Variants in ANGPT1 observed in about 807,000 individuals in gnomAD.
ANGPT1 encodes the protein angiopoietin-1.
Under a neutral mutation model 62.2 loss-of-function variants are expected in ANGPT1, and 17 were observed. The ratio of observed to expected loss-of-function variants is 0.27; its 90% CI spans 0.19 to 0.41. The LOEUF is 0.41. ANGPT1 is among the 10% of genes least tolerant of loss of function. The probability of loss-of-function intolerance (pLI) is 1.00; values close to 1 mark genes in which losing one functional copy is unlikely to be tolerated. For missense variants in ANGPT1, 478 were observed against 594.9 expected (o/e 0.80, Z 2.04); for synonymous variants, 199 against 198.9 (o/e 1.00, Z 0.00).
intron 1 of ANGPT1, among the ~76,000 whole-genome samples, chr8:107,491,160 AAG>A (rs1491028243): frequency 2.0e-5 from 3 of 149,694 alleles, no homozygotes; most frequent in African/African-American, 7.3e-5. Context: ...TTAAAAAAAA[AAG>A]AAGAAGAAAT....
intron 1 of ANGPT1, among the ~76,000 whole-genome samples, chr8:107,478,507 C>T (rs1029613801): frequency 3.9e-5 from 6 of 152,042 alleles, no homozygotes; most frequent in Admixed American, 1.3e-4. Flanking sequence ...TGAGATCGCA[C>T]GGCTGCACTC....
chr8:107,476,274 T>C (rs1242588923), intron 1 of ANGPT1, among the ~76,000 whole-genome samples: 2 of 152,178 alleles, frequency 1.3e-5, no homozygotes, highest in African/African-American at 4.8e-5. Context: ...GATGAGTTCA[T>C]GTCCTTTGTA....
intron 3 of ANGPT1, among the ~76,000 whole-genome samples, chr8:107,335,552 A>G (rs1419979219): frequency 6.6e-6 from 1 of 152,234 alleles, no homozygotes; most frequent in Non-Finnish European, 1.5e-5. Context: ...CATAATTTAT[A>G]AAACAAGATG....
chr8:107,469,416 A>G (rs1240140129), intron 1 of ANGPT1, among the ~76,000 whole-genome samples: 1 of 151,982 alleles, frequency 6.6e-6, no homozygotes, highest in Non-Finnish European at 1.5e-5. Context: ...CTAGTGCTTT[A>G]CCACAATGCT....
chr8:107,419,342 C>T (rs898902330), intron 1 of ANGPT1, among the ~76,000 whole-genome samples: 1 of 152,066 alleles, frequency 6.6e-6, no homozygotes, highest in African/African-American at 2.4e-5. Context: ...CCAGAGGTGC[C>T]CATTCTGTAC....
chr8:107,303,348 T>A lies in ANGPT1; in HGVS notation c.828A>T (p.Lys276Asn), dbSNP rs751870537. The A allele has an allele frequency of 8.8e-6, 14 of 1,598,496 alleles. No homozygotes were observed. The highest frequency in any genetic ancestry group is 1.2e-5 in the Non-Finnish European group (14 of 1,174,274). The part of the protein sequence containing the change: ...TKEGVLLKGG[K>N]REEEKPFRDC... ...CTCTAAATGGTTTCTCTTCCTCTCTTTTTCCTCCCTTTAGTAAAACTGCAA... is the reference window on the plus strand; with the variant it reads ...CTCTAAATGGTTTCTCTTCCTCTCTATTTCCTCCCTTTAGTAAAACTGCAA... Residue 276 changes from lysine (K) to asparagine (N), a missense_variant, in exon 5 of 9, where the codon AAA becomes AAT. Around this residue, in one of 4 missense-constraint regions of ANGPT1, gnomAD observed 343 missense variants for 355.4 expected, o/e 0.97. Transcript: ENST00000517746.
chr8:107,467,611 A>G (rs979944863), intron 1 of ANGPT1, among the ~76,000 whole-genome samples: 5 of 152,090 alleles, frequency 3.3e-5, no homozygotes, highest in African/African-American at 1.2e-4. Flanking sequence ...TCCTTGGGAC[A>G]AAACAGACCT....
At chr8:107,262,757 A>AAC (rs1339986974) in intron 8 of ANGPT1, among the ~76,000 whole-genome samples, 1 of 152,218 alleles carries the variant, frequency 6.6e-6, no homozygotes, top group Non-Finnish European at 1.5e-5. Context: ...TGAGAGGAGA[A>AAC]ACACTGAAAT....
chr8:107,472,651 A>C (rs1046486881), intron 1 of ANGPT1, among the ~76,000 whole-genome samples: 1 of 152,044 alleles, frequency 6.6e-6, no homozygotes, highest in African/African-American at 2.4e-5. Context: ...TAGGAACCTT[A>C]GGAGGAAACC....
intron 3 of ANGPT1, among the ~76,000 whole-genome samples, chr8:107,323,351 C>T (rs953360590): frequency 2.6e-5 from 4 of 152,152 alleles, no homozygotes; most frequent in African/African-American, 9.7e-5. Flanking sequence ...TATTAAAATG[C>T]CACATACCAG....
At chr8:107,495,656 G>A (rs895462596) in intron 1 of ANGPT1, among the ~76,000 whole-genome samples, 1 of 152,104 alleles carries the variant, frequency 6.6e-6, no homozygotes, top group Admixed American at 6.5e-5. Context: ...AATATGTAAT[G>A]ATTGAATTCT....
At chr8:107,436,247 G>A (rs566427114) in intron 1 of ANGPT1, among the ~76,000 whole-genome samples, 79 of 152,222 alleles carry the variant, frequency 5.2e-4, no homozygotes, top group African/African-American at 1.9e-3. Flanking sequence ...AATCAGAAAA[G>A]GTAAGTCCTT....
At chr8:107,487,446 A>G (rs974055674) in intron 1 of ANGPT1, among the ~76,000 whole-genome samples, 1 of 152,092 alleles carries the variant, frequency 6.6e-6, no homozygotes, top group Non-Finnish European at 1.5e-5. Context: ...TAGAACTTTC[A>G]TTTCTAAAAC....
chr8:107,377,458 T>C (rs1816551999), intron 1 of ANGPT1, among the ~76,000 whole-genome samples: 1 of 152,202 alleles, frequency 6.6e-6, no homozygotes, highest in African/African-American at 2.4e-5. Context: ...CTGTTCATAC[T>C]GACATTTAAT....
intron 1 of ANGPT1, among the ~76,000 whole-genome samples, chr8:107,475,441 T>C (rs977293294): frequency 6.6e-6 from 1 of 152,156 alleles, no homozygotes; most frequent in Non-Finnish European, 1.5e-5. Context: ...TAATTCAAGA[T>C]GGATTAAAGA....
At chr8:107,404,100 C>A (rs1459396384) in intron 1 of ANGPT1, among the ~76,000 whole-genome samples, 1 of 152,038 alleles carries the variant, frequency 6.6e-6, no homozygotes, top group African/African-American at 2.4e-5. Context: ...TTCGTGCCGG[C>A]CACAAAAATT....
At chr8:107,363,549 T>C (rs1367271353) in intron 1 of ANGPT1, among the ~76,000 whole-genome samples, 3 of 152,244 alleles carry the variant, frequency 2.0e-5, no homozygotes, top group African/African-American at 7.2e-5. Context: ...TGTGTGACTT[T>C]GAGCAAGTTG....
chr8:107,293,752 C>T (rs938337634), intron 6 of ANGPT1, among the ~76,000 whole-genome samples, 184 bp downstream of exon 6: 5 of 152,180 alleles, frequency 3.3e-5, no homozygotes, highest in African/African-American at 7.2e-5. Context: ...CTGACGCACA[C>T]GTGGAAATCA....
intron 1 of ANGPT1, among the ~76,000 whole-genome samples, chr8:107,483,821 T>C (rs1812747793): frequency 6.6e-6 from 1 of 152,238 alleles, no homozygotes; most frequent in African/African-American, 2.4e-5. Context: ...TTTATTTGTA[T>C]GCTCATATCA....
Sources: allele counts gnomAD v4.1 joint callset (sites outside exome capture counted in the v4.1 genomes callset), GRCh38; gene constraint gnomAD v4.1.1; regional missense constraint gnomAD v4.1.1; transcripts MANE v1.5; gene names NCBI Gene and HGNC (gene_info 2026-07-23, HGNC 2026-07-21).